The following ADARB2 variants were observed in gnomAD, a reference collection of about 807,000 sequenced individuals.
The protein encoded by ADARB2 is inactive double-stranded RNA-specific editase B2.
ADARB2 carries 25 observed loss-of-function variants against 62.2 expected under a neutral mutation model. The observed-to-expected ratio is 0.40, with a 90% CI of 0.29 to 0.56. The LOEUF (loss-of-function observed/expected upper bound fraction) is 0.56, where lower values mean the gene tolerates loss of function less well. ADARB2 is among the 20% of genes least tolerant of loss of function. The pLI is 0.43. For synonymous variants in ADARB2, 572 were observed against 500.8 expected (o/e 1.14, Z -1.90); for missense variants, 1,071 against 1,077.4 (o/e 0.99, Z 0.08).
chr10:1,393,132 CAA>C (rs1370503289), intron 1 of ADARB2, among the ~76,000 whole-genome samples: 1 of 152,172 alleles, frequency 6.6e-6, no homozygotes, highest in Non-Finnish European at 1.5e-5. Context: ...GTCGCACAGC[CAA>C]ATTTGAGCTA....
intron 1 of ADARB2, among the ~76,000 whole-genome samples, chr10:1,579,075 A>T (rs1486739500): frequency 6.6e-6 from 1 of 152,158 alleles, no homozygotes; most frequent in Non-Finnish European, 1.5e-5. Flanking sequence ...AGGTGCCCAC[A>T]CTGCCTCAGT....
At chr10:1,405,522 C>G (rs892362072) in intron 1 of ADARB2, among the ~76,000 whole-genome samples, 2 of 149,058 alleles carry the variant, frequency 1.3e-5, no homozygotes, top group African/African-American at 4.9e-5. Flanking sequence ...CCCAGCTACT[C>G]AGGAGGCTGA....
At chr10:1,295,967 T>C (rs1175768897) in intron 3 of ADARB2, among the ~76,000 whole-genome samples, 2 of 152,030 alleles carry the variant, frequency 1.3e-5, no homozygotes, top group African/African-American at 4.8e-5. Context: ...CAGGAGCCTG[T>C]GGTTGGACTG....
At chr10:1,652,562 CA>C (rs1834124772) in intron 1 of ADARB2, among the ~76,000 whole-genome samples, 1 of 152,174 alleles carries the variant, frequency 6.6e-6, no homozygotes, top group South Asian at 2.1e-4. Context: ...GTGCGGTGTG[CA>C]AAAGAAAGTC....
At chr10:1,649,779 C>T (rs974364625) in intron 1 of ADARB2, among the ~76,000 whole-genome samples, 2 of 152,202 alleles carry the variant, frequency 1.3e-5, no homozygotes, top group African/African-American at 2.4e-5. Flanking sequence ...TTCTGGGTTT[C>T]AGCTGTATCA....
At chr10:1,462,794 T>C (rs1289445005) in intron 1 of ADARB2, among the ~76,000 whole-genome samples, 1 of 152,052 alleles carries the variant, frequency 6.6e-6, no homozygotes, top group Non-Finnish European at 1.5e-5. Context: ...CGTGTGTGCA[T>C]GTGTATGTAC....
intron 1 of ADARB2, among the ~76,000 whole-genome samples, chr10:1,446,327 C>T (rs1255031597): frequency 2.6e-5 from 4 of 152,054 alleles, no homozygotes; most frequent in Non-Finnish European, 5.9e-5. Flanking sequence ...ACCCCCAATA[C>T]ACAAATCGTC....
At chr10:1,719,933 ACT>A (rs1404465656) in intron 1 of ADARB2, among the ~76,000 whole-genome samples, 4 of 152,328 alleles carry the variant, frequency 2.6e-5, no homozygotes, top group Non-Finnish European at 5.9e-5. Flanking sequence ...ATGCTTATAC[ACT>A]GTTAGTGGGA....
chr10:1,448,004 T>G (rs563375509), intron 1 of ADARB2, among the ~76,000 whole-genome samples: 1 of 152,348 alleles, frequency 6.6e-6, no homozygotes, highest in East Asian at 1.9e-4. Context: ...GTTGATTCCA[T>G]GTATTTGCTA....
chr10:1,230,582 A>G (rs1830795645), intron 6 of ADARB2, among the ~76,000 whole-genome samples: 1 of 152,188 alleles, frequency 6.6e-6, no homozygotes, highest in South Asian at 2.1e-4. Flanking sequence ...CTGCAGGGGA[A>G]ATGGCAGGAG....
chr10:1,689,880 G>C (rs548503728), intron 1 of ADARB2, among the ~76,000 whole-genome samples: 15 of 152,242 alleles, frequency 9.9e-5, no homozygotes, highest in African/African-American at 3.6e-4. Flanking sequence ...AGTTACGTAG[G>C]GGTCTCTATT....
intron 4 of ADARB2, among the ~76,000 whole-genome samples, chr10:1,262,316 T>TAATAATAAA (rs1432411152): frequency 7.3e-6 from 1 of 137,862 alleles, no homozygotes; most frequent in Admixed American, 7.0e-5. Flanking sequence ...ATAATAATAA[T>TAATAATAAA]AATAAAAGAA....
chr10:1,483,228 C>G (rs182985394), intron 1 of ADARB2, among the ~76,000 whole-genome samples: 99 of 152,264 alleles, frequency 6.5e-4, no homozygotes, highest in African/African-American at 2.2e-3. Flanking sequence ...AAAGTAAAAG[C>G]TGAGAATAAT....
intron 1 of ADARB2, chr10:1,556,968 G>A (rs941678554): frequency 2.5e-6 from 1 of 395,282 alleles, no homozygotes; most frequent in Non-Finnish European, 5.3e-6. Flanking sequence ...CTTTAATCCA[G>A]ACAATTTTCA....
chr10:1,516,542 T>C (rs952604257), intron 1 of ADARB2, among the ~76,000 whole-genome samples: 2 of 151,630 alleles, frequency 1.3e-5, no homozygotes, highest in Non-Finnish European at 2.9e-5. Flanking sequence ...GCTGCTCTGC[T>C]CTGTGCGGGC....
intron 1 of ADARB2, among the ~76,000 whole-genome samples, chr10:1,663,519 G>C (rs76022290): frequency 0.028 from 4,228 of 152,192 alleles, 104 homozygotes; most frequent in East Asian, 0.07. Flanking sequence ...GAACATCATA[G>C]AGTTGAAATC....
intron 1 of ADARB2, among the ~76,000 whole-genome samples, chr10:1,722,400 T>G (rs1426589866): frequency 1.3e-5 from 2 of 152,252 alleles, no homozygotes; most frequent in Non-Finnish European, 2.9e-5. Context: ...AATCAGTTAA[T>G]CTAAGAAGTG....
chr10:1,407,156 G>T (rs776335932), intron 1 of ADARB2, among the ~76,000 whole-genome samples: 2 of 152,182 alleles, frequency 1.3e-5, no homozygotes, highest in Non-Finnish European at 2.9e-5. Flanking sequence ...CTGGTTCCCT[G>T]ACACAGTGGC....
At chr10:1,724,866 T>C (rs74109523) in intron 1 of ADARB2, among the ~76,000 whole-genome samples, 2,775 of 152,240 alleles carry the variant, frequency 0.018, 72 homozygotes, top group African/African-American at 0.062. Flanking sequence ...GGGCCACAGG[T>C]ACTTGCTCTA....
Sources: gnomAD v4.1 joint callset for allele counts (sites outside exome capture counted in the v4.1 genomes callset) on GRCh38, gnomAD v4.1.1 for gene constraint, MANE v1.5 for transcripts, NCBI Gene and HGNC (gene_info 2026-07-23, HGNC 2026-07-21) for gene names.